NRG1: variants seen among roughly 807,000 people sequenced by gnomAD.
NRG1 encodes the protein neuregulin 1.
NRG1 carries 18 observed loss-of-function variants against 63.8 expected under a neutral mutation model. That is an observed-to-expected ratio of 0.28 (90% confidence interval 0.19 to 0.42). NRG1 has a LOEUF of 0.42. NRG1 is among the 10% of genes least tolerant of loss of function. The pLI, the probability that NRG1 is intolerant of heterozygous loss-of-function variation, is 1.00. For missense variants in NRG1, 762 were observed against 814.7 expected (o/e 0.94, Z 0.79); for synonymous variants, 302 against 301.3 (o/e 1.00, Z -0.02).
Position 31,984,274 on chromosome 8 carries a change from T to C in NRG1, c.37+344843T>C, listed in dbSNP as rs564404369. Among the ~76,000 whole-genome samples, 6 of 152,224 alleles carry C rather than the reference T, an allele frequency of 3.9e-5. No homozygotes were observed. In the South Asian group the frequency reaches 1.2e-3, roughly 31 times the overall value. ...ATGATAAAATTATTGCATGATACAA[T>C]CTTTTTTAAAAAAGAGAAAACACTG... On this transcript the variant is annotated intron_variant, in intron 1 of 10. Coordinates refer to the NRG1 transcript ENST00000519301.
intron 1 of NRG1, among the ~76,000 whole-genome samples, chr8:32,286,021 A>G (rs1023864675): frequency 6.6e-6 from 1 of 152,174 alleles, no homozygotes; most frequent in Non-Finnish European, 1.5e-5. Flanking sequence ...TTCATTGTAC[A>G]TAGCTTTCCA....
intron 1 of NRG1, among the ~76,000 whole-genome samples, chr8:32,142,061 T>C (rs1461159362): frequency 2.0e-5 from 3 of 152,132 alleles, no homozygotes; most frequent in Non-Finnish European, 1.5e-5. Flanking sequence ...TAGTGTCTAT[T>C]TGCACTGCAT....
chr8:32,597,535 A>T (rs1282211723), intron 2 of NRG1, among the ~76,000 whole-genome samples: 1 of 152,142 alleles, frequency 6.6e-6, no homozygotes, highest in Admixed American at 6.5e-5. Flanking sequence ...CTGTAAAGAG[A>T]CATGGCATTT....
chr8:32,290,525 T>C (rs890980576), intron 1 of NRG1, among the ~76,000 whole-genome samples: 6 of 152,274 alleles, frequency 3.9e-5, no homozygotes, highest in African/African-American at 1.4e-4. Context: ...GAGATTTTTT[T>C]GAGGCTCAGA....
intron 1 of NRG1, among the ~76,000 whole-genome samples, chr8:31,794,846 A>T (rs2131681345): frequency 6.6e-6 from 1 of 152,216 alleles, no homozygotes; most frequent in East Asian, 1.9e-4. Flanking sequence ...TCTATCACCC[A>T]GGCTGGAGTG....
At position 32,523,846 on chromosome 8, in the gene NRG1, ATAAC is replaced by A. The variant is rs374353064; in HGVS notation, c.38-71962_38-71959del. Among the ~76,000 whole-genome samples, 930 of 152,126 alleles carry A rather than the reference ATAAC, an allele frequency of 6.1e-3. 6 individuals carry two copies. The highest frequency in any genetic ancestry group is 8.1e-3 in the Non-Finnish European group (551 of 68,016). On this transcript the variant is annotated intron_variant, in intron 1 of 10. Transcript: ENST00000519301. ...AGACAGAGTGAGGCTCTGTCTCTGAATAACTAACTAACTAACTAACTAAATAAAT... is the reference window on the plus strand; with the variant it reads ...AGACAGAGTGAGGCTCTGTCTCTGAATAACTAACTAACTAACTAAATAAAT...
chr8:32,635,620 A>C (rs1180513916), intron 5 of NRG1, among the ~76,000 whole-genome samples: 1 of 152,092 alleles, frequency 6.6e-6, no homozygotes, highest in Non-Finnish European at 1.5e-5. Flanking sequence ...TTGTAAAACC[A>C]CCTGTCTCTG....
At chr8:31,850,422 GGTCAGGTTAT>G (rs1313003529) in intron 1 of NRG1, among the ~76,000 whole-genome samples, 1 of 152,096 alleles carries the variant, frequency 6.6e-6, no homozygotes, top group Non-Finnish European at 1.5e-5. Flanking sequence ...TTCCGCACAT[GGTCAGGTTAT>G]GTGACCTGAG....
At chr8:32,093,300 C>G (rs1000242963) in intron 1 of NRG1, among the ~76,000 whole-genome samples, 2 of 152,128 alleles carry the variant, frequency 1.3e-5, no homozygotes, top group African/African-American at 4.8e-5. Flanking sequence ...GCCACCCCTT[C>G]AAAGGCAAGT....
chr8:32,458,601 A>G (rs947726906), intron 1 of NRG1, among the ~76,000 whole-genome samples: 2 of 152,144 alleles, frequency 1.3e-5, no homozygotes, highest in African/African-American at 4.8e-5. Flanking sequence ...TTTTGACATG[A>G]TATTTTCATC....
intron 1 of NRG1, among the ~76,000 whole-genome samples, chr8:31,891,486 A>C (rs1831141617): frequency 6.6e-6 from 1 of 152,212 alleles, no homozygotes; most frequent in Non-Finnish European, 1.5e-5. Flanking sequence ...ATTAGTGACG[A>C]GACCAATCGC....
At position 32,076,663 on chromosome 8, in the gene NRG1, C is replaced by A. The variant is rs148611889; in HGVS notation, c.37+437232C>A. 3.2e-3 allele frequency among the ~76,000 whole-genome samples: 480 copies of A among 151,590 alleles called. 1 individual carries two copies. Among genetic ancestry groups the A allele is most frequent in the African/African-American group, 0.011 (465 of 41,296 alleles). On this transcript the variant is annotated intron_variant, in intron 1 of 10. Transcript: ENST00000519301. ...TGATAAGATAGTCTTTACAACAAAC[C>A]CCCATGACACAAGTTTACCTATATA...
At chr8:32,481,725 T>G (rs1306190266) in intron 1 of NRG1, among the ~76,000 whole-genome samples, 1 of 152,216 alleles carries the variant, frequency 6.6e-6, no homozygotes. Context: ...ACTAAATACA[T>G]TAATATATAG....
At chr8:31,801,142 C>T (rs893057854) in intron 1 of NRG1, among the ~76,000 whole-genome samples, 1 of 152,146 alleles carries the variant, frequency 6.6e-6, no homozygotes, top group East Asian at 1.9e-4. Flanking sequence ...CCACCGTTCC[C>T]GGCCTCTCCA....
chr8:32,255,564 G>C (rs1425146712), intron 1 of NRG1, among the ~76,000 whole-genome samples: 1 of 152,180 alleles, frequency 6.6e-6, no homozygotes, highest in African/African-American at 2.4e-5. Context: ...GAATTCCTCT[G>C]TTAGTCTTGG....
At chr8:32,017,184 G>A (rs1815673741) in intron 1 of NRG1, among the ~76,000 whole-genome samples, 1 of 152,078 alleles carries the variant, frequency 6.6e-6, no homozygotes, top group East Asian at 1.9e-4. Context: ...ACCCAGAAAA[G>A]CCTTATCTCT....
chr8:31,981,561 G>A (rs1212834309), intron 1 of NRG1, among the ~76,000 whole-genome samples: 2 of 152,034 alleles, frequency 1.3e-5, no homozygotes, highest in Non-Finnish European at 2.9e-5. Context: ...TAGTGTCATA[G>A]GGATTCCAAA....
At chr8:31,920,931 A>G in intron 1 of NRG1, among the ~76,000 whole-genome samples, 1 of 147,428 alleles carries the variant, frequency 6.8e-6, no homozygotes, top group East Asian at 2.0e-4. Context: ...TAGATATAAA[A>G]ACCTATACCT....
At chr8:32,650,645 T>C (rs1854862275) in intron 5 of NRG1, among the ~76,000 whole-genome samples, 2 of 73,500 alleles carry the variant, frequency 2.7e-5, no homozygotes, top group African/African-American at 5.7e-5. Flanking sequence ...AACCACTAAT[T>C]AATGGAAAGC....
Sources: gnomAD v4.1 joint callset for allele counts (sites outside exome capture counted in the v4.1 genomes callset) on GRCh38, gnomAD v4.1.1 for gene constraint, MANE v1.5 for transcripts, NCBI Gene and HGNC (gene_info 2026-07-23, HGNC 2026-07-21) for gene names.